TOMT: variants seen among roughly 807,000 people sequenced by gnomAD.
TOMT encodes transmembrane O-methyltransferase.
TOMT carries 23 observed loss-of-function variants against 21.7 expected under a neutral mutation model. The ratio of observed to expected loss-of-function variants is 1.06; its 90% CI spans 0.76 to 1.50. The LOEUF (loss-of-function observed/expected upper bound fraction) is 1.50, where lower values mean the gene tolerates loss of function less well. Ranked by LOEUF, TOMT falls within the 40% of genes most tolerant of loss-of-function variation. The pLI is 0.00. For synonymous variants in TOMT, 132 were observed against 150.8 expected (o/e 0.88, Z 0.91); for missense variants, 331 against 348.7 (o/e 0.95, Z 0.41).
exon 3 of TOMT, chr11:72,108,977 A>G (rs1413706562): frequency 3.1e-5 from 42 of 1,372,860 alleles, no homozygotes; most frequent in Non-Finnish European, 4.0e-5. Context: ...CCACCCAAGC[A>G]GGGACCTCAA....
intron 1 of TOMT, chr11:72,106,549 C>T (rs1023395484): frequency 5.2e-6 from 1 of 193,626 alleles, no homozygotes; most frequent in African/African-American, 2.3e-5. Context: ...TATCTGTCTC[C>T]ACATCTTTCC....
exon 1 of TOMT, chr11:72,105,942 G>A (rs1945665096): frequency 1.3e-6 from 2 of 1,543,618 alleles, no homozygotes; most frequent in Non-Finnish European, 1.8e-6. Context: ...CCAGGGCCCA[G>A]GTAGGGACCA....
At chr11:72,106,444 G>A in intron 1 of TOMT, 1 of 431,682 alleles carries the variant, frequency 2.3e-6, no homozygotes, top group South Asian at 6.2e-5. Context: ...AGGGGTAGAG[G>A]CCACAGAGAT....
At chr11:72,108,953 GC>G in exon 3 of TOMT, 1 of 1,475,228 alleles carries the variant, frequency 6.8e-7, no homozygotes. Flanking sequence ...ACTTACTGAT[GC>G]CCACCCCCAC....
In TOMT at chr11:72,108,698, C is replaced by T. The variant is rs72953778; in HGVS notation, c.550C>T (p.Arg184Trp). ...GGCAGACCTGGTGCTCCTGGCACAC[C>T]GGCCACGATGTTACCTGAGGGACCT... Residue 184 changes from arginine to tryptophan, a missense_variant, in exon 3 of 3, where the codon CGG becomes TGG. Arg to Trp is a moderately radical substitution (Grantham distance 101, BLOSUM62 -3). Coordinates refer to ENST00000541899, the Ensembl canonical transcript of TOMT. The T allele has an allele frequency of 2.9e-4, 454 of 1,546,146 alleles. 1 individual carries two copies. Among genetic ancestry groups the T allele is most frequent in the Non-Finnish European group, 3.7e-4 (427 of 1,144,346 alleles).
At chr11:72,107,817 G>A (rs900522824) in intron 1 of TOMT, 106 bp from the exon 2 acceptor site, 50 of 1,264,206 alleles carry the variant, frequency 4.0e-5, no homozygotes, top group Middle Eastern at 1.9e-4. Flanking sequence ...ATGAGACCCC[G>A]GCTGGTTGGG....
intron 1 of TOMT, chr11:72,107,535 A>G (rs772970571): frequency 8.5e-5 from 60 of 702,734 alleles, no homozygotes; most frequent in Non-Finnish European, 8.8e-5. Flanking sequence ...AGACAGCTTG[A>G]TGGATTCTGG....
chr11:72,109,291 G>C (rs1452093655), exon 3 of TOMT: 4 of 472,740 alleles, frequency 8.5e-6, no homozygotes, highest in African/African-American at 7.9e-5. Context: ...AGCTCCAGGG[G>C]CCTCCCAGTT....
chr11:72,107,969 G>A (rs1216837993), exon 2 of TOMT: 1 of 1,551,736 alleles, frequency 6.4e-7, no homozygotes. Flanking sequence ...CTGCTTGTGT[G>A]CTGGAATTGG....
At chr11:72,108,214 C>A in intron 2 of TOMT, 95 bp downstream of exon 2, 1 of 1,125,360 alleles carries the variant, frequency 8.9e-7, no homozygotes, top group Non-Finnish European at 1.2e-6. Context: ...GAGAAGGAAG[C>A]ACCTCCACTC....
rs1044749421 is a variant in TOMT at position 72,106,025 on chromosome 11, G to A, written c.74G>A (p.Arg25Gln). ...CTGGTGCGGTACCGGCACTACTTCC[G>A]ATTGCTGGTGCGCACGGTCTTGCTG... is the stretch of plus-strand genomic sequence containing the variant. The change falls in exon 1 of 3, where the codon CGA (arginine) becomes CAA (glutamine). Residue 25 changes from arginine (R) to glutamine (Q), a missense_variant. Coordinates refer to ENST00000541899, the Ensembl canonical transcript of TOMT. 32 of 1,550,958 alleles carry A rather than the reference G, an allele frequency of 2.1e-5. No individual in the cohort carries two copies. In the African/African-American group the frequency reaches 2.3e-4, roughly 11 times the overall value.
exon 3 of TOMT, chr11:72,109,164 A>C: frequency 1.8e-6 from 1 of 545,202 alleles, no homozygotes; most frequent in East Asian, 3.2e-5. Context: ...ACTGACAGCA[A>C]GAAGCCTGAG....
At chr11:72,109,196 T>C in exon 3 of TOMT, 1 of 498,432 alleles carries the variant, frequency 2.0e-6, no homozygotes, top group East Asian at 3.8e-5. Flanking sequence ...GCTCTGTCAC[T>C]GATTTGCTGA....
intron 1 of TOMT, 187 bp downstream of exon 1, chr11:72,106,397 C>T (rs1945696283): frequency 1.6e-6 from 1 of 609,890 alleles, no homozygotes; most frequent in African/African-American, 1.8e-5. Flanking sequence ...TTTATTGCCA[C>T]CTCTTTTGTA....
chr11:72,108,570 C>T (rs1202865794), intron 2 of TOMT, 35 bp from the exon 3 acceptor site: 1 of 1,434,278 alleles, frequency 7.0e-7, no homozygotes, highest in Admixed American at 2.8e-5. Flanking sequence ...AACAATTCCC[C>T]CCACCCTCAC....
Position 72,108,029 on chromosome 11 carries a change from TG to T in TOMT, c.371del (p.Gly124ValfsTer40), listed in dbSNP as rs1945876301. ...TGCTTATTGCCCGAGCCCTGCCCCC[TG>T]GGGGTCGCCTTCTTACTGTGGAGCG... On this transcript the variant is annotated frameshift_variant, in exon 2 of 3. Transcript: ENST00000541899. LOFTEE classifies it high-confidence loss of function. The T allele has an allele frequency of 6.4e-7, 1 of 1,551,370 alleles. No individual in the cohort carries two copies. Among genetic ancestry groups the T allele is most frequent in the South Asian group, 1.2e-5 (1 of 84,050 alleles).
exon 3 of TOMT, chr11:72,108,953 G>A: frequency 1.4e-6 from 2 of 1,475,228 alleles, no homozygotes. Flanking sequence ...ACTTACTGAT[G>A]CCCACCCCCA....
exon 3 of TOMT, chr11:72,109,169 C>T (rs538247137): frequency 4.1e-5 from 22 of 536,874 alleles, no homozygotes; most frequent in South Asian, 3.7e-4. Flanking sequence ...CAGCAAGAAG[C>T]CTGAGCTCCC....
chr11:72,106,940 CAAAA>C (rs34155157), intron 1 of TOMT: 23 of 82,496 alleles, frequency 2.8e-4, no homozygotes, highest in South Asian at 1.5e-3. Context: ...GAACCTGTCT[CAAAA>C]AAAAAAAAAA....
Sources: allele counts gnomAD v4.1 joint callset, GRCh38; gene constraint gnomAD v4.1.1; transcripts MANE v1.5; gene names NCBI Gene and HGNC (gene_info 2026-07-23, HGNC 2026-07-21).